LRP1: variants seen among roughly 807,000 people sequenced by gnomAD.
LRP1 encodes prolow-density lipoprotein receptor-related protein 1.
Under a neutral mutation model 541.5 loss-of-function variants are expected in LRP1, and 51 were observed. The ratio of observed to expected loss-of-function variants is 0.09; its 90% CI spans 0.08 to 0.12. The LOEUF is 0.12. Ranked by LOEUF, LRP1 falls within the 10% of genes least tolerant of loss-of-function variation. The pLI, the probability that LRP1 is intolerant of heterozygous loss-of-function variation, is 1.00. For missense variants in LRP1, 3,878 were observed against 6,376.2 expected, an observed-to-expected ratio of 0.61 and a Z score of 13.34; for synonymous variants, 2,219 against 2,470.8, an observed-to-expected ratio of 0.90 and a Z score of 3.02.
chr12:57,158,647 T>C lies in LRP1; in HGVS notation c.1798+9T>C, dbSNP rs2035670053. 6.2e-7 allele frequency: 1 copy of C among 1,611,416 alleles called. No homozygotes were observed. ...GACCATCCTGAAGGACGGTATGGGCTCCTAGGGATGTGGCCCATGGGGATG... is the reference window on the plus strand; with the variant it reads ...GACCATCCTGAAGGACGGTATGGGCCCCTAGGGATGTGGCCCATGGGGATG... On this transcript the variant is annotated intron_variant, in intron 11 of 88. Coordinates refer to ENST00000243077, the MANE Select transcript of LRP1 (RefSeq NM_002332.3). This position sits in a 1 kb window ranked among gnomAD's most constrained non-coding sequence, Gnocchi z 5.3.
intron 8 of LRP1, chr12:57,155,261 T>C: frequency 5.2e-6 from 1 of 192,992 alleles, no homozygotes; most frequent in Non-Finnish European, 1.1e-5. Context: ...ATGTGGGTAG[T>C]CAGGGGTGTT....
intron 41 of LRP1, among the ~76,000 whole-genome samples, chr12:57,186,545 C>T (rs1486920198): frequency 2.6e-5 from 4 of 152,252 alleles, no homozygotes; most frequent in African/African-American, 4.8e-5. Flanking sequence ...CTAGGTGCTA[C>T]GTATACAGAC....
At chr12:57,202,924 A>G in intron 68 of LRP1, 1 of 563,506 alleles carries the variant, frequency 1.8e-6, no homozygotes. Context: ...CCCCAAACAC[A>G]GTCTGTTCTG....
chr12:57,180,406 G>A lies in LRP1; in HGVS notation c.5313G>A (p.Leu1771=), dbSNP rs377592316. 1.3e-4 allele frequency: 217 copies of A among 1,614,188 alleles called. 2 individuals carry two copies. The South Asian group carries it at 2.1e-3, about 16-fold the overall frequency. The change falls in exon 32 of 89, where the codon CTG becomes CTA. Residue 1771 remains leucine, a synonymous_variant. Transcript: ENST00000243077. ...ACCATACCATCAACCGCTGCAACCTGGATGGGAGTGGGCTGGAGGTCATCG... is the reference window on the plus strand; with the variant it reads ...ACCATACCATCAACCGCTGCAACCTAGATGGGAGTGGGCTGGAGGTCATCG... The part of the protein sequence containing the change: ...SGNHTINRCN[L]DGSGLEVIDA...
intron 76 of LRP1, 109 bp from the exon 77 acceptor site, chr12:57,207,929 T>C: frequency 1.6e-6 from 2 of 1,213,362 alleles, no homozygotes; most frequent in Admixed American, 4.2e-5. Flanking sequence ...AAAGCCAGGG[T>C]CCTGGCTGTG....
chr12:57,194,587 C>A lies in LRP1; in HGVS notation c.8079C>A (p.Arg2693=). The A allele has an allele frequency of 6.2e-7, 1 of 1,612,490 alleles. No homozygotes were observed. The highest frequency in any genetic ancestry group is 8.5e-7 in the Non-Finnish European group (1 of 1,179,870). ...TGCCTCGCCCCCCAGGTGTGAAACG[C>A]CCCAGATGCCCTCTGAATTACTTCG... ...SDERDCPGVK[R]PRCPLNYFAC... The change falls in exon 50 of 89, where the codon CGC becomes CGA. Residue 2693 remains arginine (R), a synonymous_variant. Coordinates refer to ENST00000243077, the MANE Select transcript of LRP1 (RefSeq NM_002332.3).
In LRP1 at chr12:57,184,952, A is replaced by T. The variant is rs759970234; in HGVS notation, c.6300A>T (p.Ser2100=). 6.2e-7 allele frequency: 1 copy of T among 1,614,126 alleles called. No individual in the cohort carries two copies. Among genetic ancestry groups the T allele is most frequent in the African/African-American group, 1.3e-5 (1 of 75,010 alleles). Residue 2100 remains serine (S), a synonymous_variant, in exon 39 of 89, where the codon TCA becomes TCT. Coordinates refer to ENST00000243077, the MANE Select transcript of LRP1 (RefSeq NM_002332.3). The surrounding 1 kb of genome is among the most constrained non-coding windows in gnomAD (Gnocchi z 7.8). ...VLSSNNMDMF[S]VSVFEDFIYW... ...CCAGCAACAACATGGACATGTTTTCAGTGTCTGTGTTTGAGGATTTCATCT... is the reference window on the plus strand; with the variant it reads ...CCAGCAACAACATGGACATGTTTTCTGTGTCTGTGTTTGAGGATTTCATCT...
chr12:57,179,901 G>T lies in LRP1; in HGVS notation c.5086G>T (p.Ala1696Ser), dbSNP rs1043456147. Reference sequence around the variant, plus strand: ...CCGGCTGGATGGCTCCTTCAAGAACGCAGTGGTGCAGGGCCTGGAGCAGCC... The same window carrying T: ...CCGGCTGGATGGCTCCTTCAAGAACTCAGTGGTGCAGGGCCTGGAGCAGCC... Reference protein sequence around the residue: ...VARLDGSFKNAVVQGLEQPHG... With the variant: ...VARLDGSFKNSVVQGLEQPHG... Residue 1696 changes from alanine to serine, a missense_variant, in exon 30 of 89, where the codon GCA (alanine) becomes TCA (serine). Ala to Ser is a moderately conservative substitution (Grantham distance 99). Around this residue, in one of 13 missense-constraint regions of LRP1, gnomAD observed 394 missense variants for 635.9 expected, o/e 0.62. Transcript: ENST00000243077. This position sits in a 1 kb window ranked among gnomAD's most constrained non-coding sequence, Gnocchi z 6.8. 2.5e-6 allele frequency: 4 copies of T among 1,613,996 alleles called. No homozygotes were observed. Among genetic ancestry groups the T allele is most frequent in the Non-Finnish European group, 3.4e-6 (4 of 1,180,034 alleles).
At chr12:57,135,751 T>C (rs900149622) in intron 1 of LRP1, among the ~76,000 whole-genome samples, 1 of 152,060 alleles carries the variant, frequency 6.6e-6, no homozygotes, top group Non-Finnish European at 1.5e-5. Flanking sequence ...GCACATCTGG[T>C]TTGTGAATCT....
chr12:57,199,642 C>T (rs1288543505), intron 61 of LRP1, among the ~76,000 whole-genome samples: 1 of 152,154 alleles, frequency 6.6e-6, no homozygotes, highest in East Asian at 1.9e-4. Context: ...GGGTGCCCAG[C>T]CCCCAGAAGG....
At chr12:57,137,564 G>A (rs1195776842) in intron 1 of LRP1, among the ~76,000 whole-genome samples, 1 of 152,136 alleles carries the variant, frequency 6.6e-6, no homozygotes, top group Non-Finnish European at 1.5e-5. Flanking sequence ...GAGAGGACAA[G>A]GCAGGTGGAT....
rs751446194 is a variant in LRP1, at chr12:57,190,903, G to A, written c.7130G>A (p.Arg2377His). ...NVLTLIEKDI[R>H]TPNGLAIDHR... The stretch of plus-strand genomic sequence containing the variant: ...CTGACCCTTATCGAGAAGGACATCC[G>A]TACCCCCAATGGCCTGGCCATCGAC... The change falls in exon 43 of 89, where the codon CGT (arginine) becomes CAT (histidine). Residue 2377 changes from arginine to histidine, a missense_variant. Around this residue, in one of 13 missense-constraint regions of LRP1, gnomAD observed 1,100 missense variants for 1,827.4 expected, o/e 0.60. Transcript: ENST00000243077. The A allele has an allele frequency of 1.9e-6, 3 of 1,613,768 alleles. No homozygotes were observed. The highest frequency in any genetic ancestry group is 2.5e-6 in the Non-Finnish European group (3 of 1,179,966).
At chr12:57,180,849 C>G (rs1565737310) in intron 33 of LRP1, 42 bp downstream of exon 33, 1 of 1,608,778 alleles carries the variant, frequency 6.2e-7, no homozygotes, top group South Asian at 1.1e-5. Context: ...TCAGGGGCAA[C>G]AGGGGAGCCG....
rs201734515 is a variant in LRP1, at chr12:57,165,764, G to A, written c.2531-41G>A. On this transcript the variant is annotated intron_variant, in intron 15 of 88. Transcript: ENST00000243077. This position sits in a 1 kb window ranked among gnomAD's most constrained non-coding sequence, Gnocchi z 4.5. Reference sequence around the variant, plus strand: ...AGGGCTTAGTACTTGTCCCACGACCGGGGTCTGACTTTCCCCCTCACGATC... The same window carrying A: ...AGGGCTTAGTACTTGTCCCACGACCAGGGTCTGACTTTCCCCCTCACGATC... 125 of 1,596,242 alleles carry A rather than the reference G, an allele frequency of 7.8e-5. 1 individual carries two copies. The highest frequency in any genetic ancestry group is 1.0e-4 in the Non-Finnish European group (120 of 1,165,080).
At position 57,205,520 on chromosome 12, in the gene LRP1, C is replaced by T; in HGVS notation, c.11470+35C>T. ...CGGGGCAGAGCAGGGGTGGACACCC[C>T]AACTGTGGACTCTCATGACCCTCCC... On this transcript the variant is annotated intron_variant, in intron 74 of 88. Coordinates refer to ENST00000243077, the MANE Select transcript of LRP1 (RefSeq NM_002332.3). The surrounding 1 kb of genome is among the most constrained non-coding windows in gnomAD (Gnocchi z 4.6). The T allele has an allele frequency of 6.2e-7, 1 of 1,613,334 alleles. No homozygotes were observed. The highest frequency in any genetic ancestry group is 8.5e-7 in the Non-Finnish European group (1 of 1,179,550).
chr12:57,155,866 G>A (rs890271818), intron 8 of LRP1, among the ~76,000 whole-genome samples: 7 of 152,174 alleles, frequency 4.6e-5, no homozygotes, highest in East Asian at 1.9e-4. Context: ...CAGGAGGGCC[G>A]CTTAAGCCCA....
rs1299655442 is a variant in LRP1 at position 57,196,291 on chromosome 12, TG to T, written c.8892+18del. 1.9e-6 allele frequency: 3 copies of T among 1,553,404 alleles called. No homozygotes were observed. The highest frequency in any genetic ancestry group is 1.9e-5 in the Admixed American group (1 of 53,520). On this transcript the variant is annotated intron_variant, in intron 55 of 88. Coordinates refer to ENST00000243077, the MANE Select transcript of LRP1 (RefSeq NM_002332.3). ...ATCGGCTTCAAGGTATGCCCAGCCC[TG>T]GGGAGGAGCTTCCACACCCCAGACG...
intron 22 of LRP1, among the ~76,000 whole-genome samples, 184 bp downstream of exon 22, chr12:57,174,164 G>A (rs1292179642): frequency 3.3e-5 from 5 of 152,220 alleles, no homozygotes; most frequent in Non-Finnish European, 7.3e-5. Context: ...TGTGCTGAGT[G>A]AGCCACGCCA....
In LRP1 at chr12:57,197,324, C is replaced by A. The variant is rs1402728663; in HGVS notation, c.9102C>A (p.Ala3034=). ...ACGAGGAACCGTTTCTGATCTTCGC[C>A]AACCGGTACTACCTGCGCAAGCTCA... is the stretch of plus-strand genomic sequence containing the variant. ...VTDEEPFLIF[A]NRYYLRKLNL... The change falls in exon 57 of 89, where the codon GCC becomes GCA. Residue 3034 remains alanine (A), a synonymous_variant. Coordinates refer to ENST00000243077, the MANE Select transcript of LRP1 (RefSeq NM_002332.3). The surrounding 1 kb of genome is among the most constrained non-coding windows in gnomAD (Gnocchi z 4.5). The A allele has an allele frequency of 6.2e-7, 1 of 1,614,028 alleles. No homozygotes were observed. The highest frequency in any genetic ancestry group is 8.5e-7 in the Non-Finnish European group (1 of 1,180,014).
Sources: allele counts gnomAD v4.1 joint callset (sites outside exome capture counted in the v4.1 genomes callset), GRCh38; gene constraint gnomAD v4.1.1; regional missense constraint gnomAD v4.1.1; non-coding constraint Gnocchi (gnomAD v3.1); transcripts MANE v1.5; gene names NCBI Gene and HGNC (gene_info 2026-07-23, HGNC 2026-07-21).